MFHAS1: variants seen among roughly 807,000 people sequenced by gnomAD.
MFHAS1 encodes the protein multifunctional ROCO family signaling regulator 1, also known as malignant fibrous histiocytoma-amplified sequence 1.
A neutral mutation model predicts 70.4 loss-of-function variants in MFHAS1; 50 were observed. The ratio of observed to expected loss-of-function variants is 0.71; its 90% CI spans 0.57 to 0.90. The LOEUF is 0.90. MFHAS1 is among the 40% of genes least tolerant of loss of function. The probability of loss-of-function intolerance (pLI) is 0.00; values close to 1 mark genes in which losing one functional copy is unlikely to be tolerated. For synonymous variants in MFHAS1, 952 were observed against 620.0 expected, an observed-to-expected ratio of 1.54 and a Z score of -7.96; for missense variants, 1,795 against 1,347.6, an observed-to-expected ratio of 1.33 and a Z score of -5.20.
In MFHAS1 at chr8:8,892,543, G is replaced by C. The variant is rs1329599749; in HGVS notation, c.516C>G (p.His172Gln). The C allele has an allele frequency of 6.3e-7, 1 of 1,597,346 alleles. No homozygotes were observed. The highest frequency in any genetic ancestry group is 8.5e-7 in the Non-Finnish European group (1 of 1,172,460). The change falls in exon 1 of 3, where the codon CAC becomes CAG. Residue 172 changes from histidine to glutamine, a missense_variant. Physicochemically the swap from His to Gln is conservative, Grantham distance 24 (BLOSUM62 0). Coordinates refer to ENST00000276282, the MANE Select transcript of MFHAS1 (RefSeq NM_004225.3). This position sits in a 1 kb window ranked among gnomAD's most constrained non-coding sequence, Gnocchi z 4.7. The part of the protein sequence containing the change: ...ELDVSFNRLA[H>Q]LPDSLSCLSR... ...AGAGGCAGGAGAGGGAGTCAGGCAGGTGCGCCAGCCGGTTAAAGCTGACAT... is the reference window on the plus strand; with the variant it reads ...AGAGGCAGGAGAGGGAGTCAGGCAGCTGCGCCAGCCGGTTAAAGCTGACAT...
chr8:8,862,240 A>G (rs1808694399), intron 1 of MFHAS1, among the ~76,000 whole-genome samples: 1 of 152,142 alleles, frequency 6.6e-6, no homozygotes, highest in South Asian at 2.1e-4. Context: ...AACATGCACT[A>G]GTATCTCCTA....
chr8:8,858,363 A>G (rs1563207142), intron 1 of MFHAS1, among the ~76,000 whole-genome samples: 1 of 152,114 alleles, frequency 6.6e-6, no homozygotes, highest in Non-Finnish European at 1.5e-5. Flanking sequence ...ATATAACATT[A>G]TTACCCTTTG....
chr8:8,819,332 G>A (rs966215750), intron 1 of MFHAS1, among the ~76,000 whole-genome samples: 1 of 152,074 alleles, frequency 6.6e-6, no homozygotes, highest in East Asian at 1.9e-4. Flanking sequence ...TTGGCCGGGT[G>A]CGGTGGCTCA....
chr8:8,832,852 A>G (rs1807456848), intron 1 of MFHAS1, among the ~76,000 whole-genome samples: 2 of 152,088 alleles, frequency 1.3e-5, no homozygotes, highest in African/African-American at 4.8e-5. Context: ...CCAGGCTAAG[A>G]ATTTTTACAA....
At chr8:8,859,274 G>T (rs894347477) in intron 1 of MFHAS1, among the ~76,000 whole-genome samples, 8 of 152,202 alleles carry the variant, frequency 5.3e-5, no homozygotes, top group African/African-American at 1.7e-4. Context: ...AACCCAGGAG[G>T]TGGAAGTTGT....
At chr8:8,814,856 T>A (rs1175757730) in intron 1 of MFHAS1, among the ~76,000 whole-genome samples, 2 of 151,546 alleles carry the variant, frequency 1.3e-5, no homozygotes, top group Non-Finnish European at 2.9e-5. Context: ...TTTCTTTTTT[T>A]TTTTTTTTTT....
chr8:8,830,921 C>A (rs1180436630), intron 1 of MFHAS1, among the ~76,000 whole-genome samples: 1 of 152,170 alleles, frequency 6.6e-6, no homozygotes, highest in African/African-American at 2.4e-5. Flanking sequence ...ACTTTCCCTT[C>A]CTTTAAAGTC....
At chr8:8,822,515 C>G (rs1195684386) in intron 1 of MFHAS1, among the ~76,000 whole-genome samples, 1 of 136,684 alleles carries the variant, frequency 7.3e-6, no homozygotes. Context: ...GAGATGGGGA[C>G]AGGGATCACG....
At chr8:8,862,852 C>G (rs1470087782) in intron 1 of MFHAS1, among the ~76,000 whole-genome samples, 1 of 152,190 alleles carries the variant, frequency 6.6e-6, no homozygotes, top group Non-Finnish European at 1.5e-5. Context: ...CTCATGCCTT[C>G]TGTGCAATTT....
intron 1 of MFHAS1, among the ~76,000 whole-genome samples, chr8:8,884,825 C>G (rs1346328036): frequency 1.3e-5 from 2 of 152,104 alleles, no homozygotes; most frequent in Non-Finnish European, 2.9e-5. Flanking sequence ...TAGGGTGTTT[C>G]TGGAGTCCCA....
At chr8:8,870,342 A>G (rs1223906253) in intron 1 of MFHAS1, among the ~76,000 whole-genome samples, 1 of 151,598 alleles carries the variant, frequency 6.6e-6, no homozygotes, top group Admixed American at 6.6e-5. Context: ...GCACGCACCT[A>G]CAGTCTCAGC....
intron 1 of MFHAS1, among the ~76,000 whole-genome samples, chr8:8,821,020 G>A (rs882462): frequency 0.43 from 65,789 of 152,040 alleles, 15,877 homozygotes; most frequent in East Asian, 0.77. Flanking sequence ...AGCCAACAGA[G>A]ATGACAGCCT....
At chr8:8,814,180 T>C (rs769066929) in intron 1 of MFHAS1, among the ~76,000 whole-genome samples, 4 of 152,138 alleles carry the variant, frequency 2.6e-5, no homozygotes, top group Non-Finnish European at 5.9e-5. Context: ...TCAAGTGATC[T>C]GCCCACCTCA....
intron 1 of MFHAS1, among the ~76,000 whole-genome samples, chr8:8,810,109 G>A (rs1051295483): frequency 2.0e-5 from 3 of 152,240 alleles, no homozygotes; most frequent in Non-Finnish European, 4.4e-5. Context: ...GCTCGCGCCT[G>A]TAATCCCATC....
In MFHAS1 at chr8:8,785,943, G is replaced by C. The variant is rs530556332; in HGVS notation, c.*79C>G. The C allele has an allele frequency of 1.3e-4, 187 of 1,438,810 alleles. No homozygotes were observed. Among genetic ancestry groups the C allele is most frequent in the Non-Finnish European group, 1.7e-4 (175 of 1,027,848 alleles). 89.1% of individuals were successfully genotyped at this position (1,438,810 alleles called of 1,614,324 possible). ...CACAGAACACGCTGGGGTGAGTGCA[G>C]AGGGTCTGCCAGGTGCAAAAGATGG... On this transcript the variant is annotated 3_prime_UTR_variant, in exon 3 of 3. Transcript: ENST00000276282.
Position 8,891,144 on chromosome 8 carries a change from G to T in MFHAS1, c.1915C>A (p.Arg639=). The T allele has an allele frequency of 6.2e-7, 1 of 1,613,706 alleles. No individual in the cohort carries two copies. Among genetic ancestry groups the T allele is most frequent in the South Asian group, 1.1e-5 (1 of 91,088 alleles). ...CRDPRHLRRL[R]DKLLSVAEHR... ...TCAGCAACTGACAGCAACTTGTCCC[G>T]AAGGCGTCGTAAGTGGCGCGGGTCC... The change falls in exon 1 of 3, where the codon CGG becomes AGG. Residue 639 remains arginine, a synonymous_variant. Coordinates refer to ENST00000276282, the MANE Select transcript of MFHAS1 (RefSeq NM_004225.3). This position sits in a 1 kb window ranked among gnomAD's most constrained non-coding sequence, Gnocchi z 5.4.
At chr8:8,863,417 A>T (rs921912253) in intron 1 of MFHAS1, among the ~76,000 whole-genome samples, 1 of 152,118 alleles carries the variant, frequency 6.6e-6, no homozygotes, top group African/African-American at 2.4e-5. Flanking sequence ...TGCCAGTGGG[A>T]CTTCAAAGGC....
At chr8:8,801,993 G>A (rs763311953) in intron 1 of MFHAS1, among the ~76,000 whole-genome samples, 17 of 152,234 alleles carry the variant, frequency 1.1e-4, no homozygotes, top group East Asian at 3.8e-4. Context: ...AGAACGATGC[G>A]TGCACTTTAC....
At chr8:8,849,064 C>CTTTTTTTTTTTTTTTTTTTTTTT (rs145250762) in intron 1 of MFHAS1, among the ~76,000 whole-genome samples, 1 of 75,772 alleles carries the variant, frequency 1.3e-5, no homozygotes, top group African/African-American at 4.8e-5. Context: ...TCCTTTTTAC[C>CTTTTTTTTTTTTTTTTTTTTTTT]TTTTTTTTTT....
Sources: allele counts gnomAD v4.1 joint callset (sites outside exome capture counted in the v4.1 genomes callset), GRCh38; gene constraint gnomAD v4.1.1; non-coding constraint Gnocchi (gnomAD v3.1); transcripts MANE v1.5; gene names NCBI Gene and HGNC (gene_info 2026-07-23, HGNC 2026-07-21).